The following SATB2 variants were observed in gnomAD, a reference collection of about 807,000 sequenced individuals.
SATB2 encodes SATB homeobox 2.
SATB2 carries 1 observed loss-of-function variant against 73.4 expected under a neutral mutation model. That is an observed-to-expected ratio of 0.01 (90% CI 0.00 to 0.06). The LOEUF is 0.06. Ranked by LOEUF, SATB2 falls within the 10% of genes least tolerant of loss-of-function variation. SATB2 has a pLI of 1.00. For synonymous variants in SATB2, 397 were observed against 367.0 expected (o/e 1.08, Z -0.93); for missense variants, 459 against 945.8 (o/e 0.49, Z 6.75).
At chr2:199,434,042 A>AT (rs1693451485) in intron 2 of SATB2, among the ~76,000 whole-genome samples, 1 of 152,018 alleles carries the variant, frequency 6.6e-6, no homozygotes, top group South Asian at 2.1e-4. Flanking sequence ...GGTGGTATTG[A>AT]TTTTAAGGCC....
upstream of SATB2, among the ~76,000 whole-genome samples, chr2:199,468,703 G>C (rs1266122041): frequency 2.6e-5 from 4 of 152,200 alleles, no homozygotes; most frequent in Non-Finnish European, 5.9e-5. Flanking sequence ...TGGCAGTTGC[G>C]GCTGACTGCT....
At chr2:199,372,286 A>G (rs1689472466) in intron 5 of SATB2, among the ~76,000 whole-genome samples, 1 of 152,194 alleles carries the variant, frequency 6.6e-6, no homozygotes, top group Non-Finnish European at 1.5e-5. Context: ...TATTTCAGAA[A>G]TCAAACTGTA....
intron 9 of SATB2, among the ~76,000 whole-genome samples, chr2:199,316,747 T>A (rs1687746296): frequency 6.6e-6 from 1 of 152,096 alleles, no homozygotes; most frequent in Non-Finnish European, 1.5e-5. Flanking sequence ...TTTAACAGTA[T>A]GGAGATTTGG....
chr2:199,310,531 C>T (rs1407490212), intron 9 of SATB2, among the ~76,000 whole-genome samples: 1 of 151,724 alleles, frequency 6.6e-6, no homozygotes, highest in African/African-American at 2.4e-5. Flanking sequence ...AAATCTAGTC[C>T]CCAAGTGTTT....
intron 3 of SATB2, among the ~76,000 whole-genome samples, chr2:199,420,538 A>G (rs1691133505): frequency 6.6e-6 from 1 of 152,194 alleles, no homozygotes; most frequent in Non-Finnish European, 1.5e-5. Context: ...GTCTCCTGGT[A>G]GAATGTGCCA....
chr2:199,458,517 C>A (rs1026818659), upstream of SATB2: 8 of 374,892 alleles, frequency 2.1e-5, no homozygotes, highest in African/African-American at 1.8e-4. Context: ...GGCACCGGGG[C>A]CCAGGGTCTG....
upstream of SATB2, chr2:199,467,376 C>A (rs1440091372): frequency 6.6e-6 from 1 of 152,292 alleles, no homozygotes; most frequent in Non-Finnish European, 1.5e-5. Flanking sequence ...TTCCAAGGAG[C>A]TTTTATCCAA....
intron 10 of SATB2, among the ~76,000 whole-genome samples, chr2:199,288,658 C>A (rs1332527407): frequency 1.3e-5 from 2 of 152,078 alleles, no homozygotes; most frequent in Non-Finnish European, 2.9e-5. Context: ...CACTTAATAA[C>A]AGGACTTGAG....
rs377349361 is a variant in SATB2, at chr2:199,448,270, T to C, written c.169+7599A>G. Among the ~76,000 whole-genome samples, 16 of 152,358 alleles carry C rather than the reference T, an allele frequency of 1.1e-4. No homozygotes were observed. In the East Asian group the frequency reaches 1.5e-3, roughly 15 times the overall value. ...ATGCAATAAAAGTACTCAATTTTAATATAGGACATAATTGGGAAATCTAAA... is the reference window on the plus strand; with the variant it reads ...ATGCAATAAAAGTACTCAATTTTAACATAGGACATAATTGGGAAATCTAAA... On this transcript the variant is annotated intron_variant, in intron 2 of 10. Transcript: ENST00000417098.
intron 3 of SATB2, among the ~76,000 whole-genome samples, chr2:199,392,062 A>G (rs958105147): frequency 6.6e-6 from 1 of 152,148 alleles, no homozygotes; most frequent in Admixed American, 6.5e-5. Context: ...GTTCATCTGT[A>G]GAGCAGTCAC....
In SATB2 at chr2:199,463,014, T is replaced by TG. The variant is rs1692514744; in HGVS notation, c.-141+1821dup. Among the ~76,000 whole-genome samples the TG allele has an allele frequency of 6.6e-6, 1 of 151,994 alleles. No homozygotes were observed. The highest frequency in any genetic ancestry group is 6.5e-5 in the Admixed American group (1 of 15,274). ...CGTCGGGTGTGGGCACTGCCTGCCC[T>TG]GGGGGAAGAAAGCGAGGAGATAGGT... On this transcript the variant is annotated intron_variant, in intron 1 of 11. Coordinates refer to the SATB2 transcript ENST00000260926. This position sits in a 1 kb window ranked among gnomAD's most constrained non-coding sequence, Gnocchi z 6.4.
At chr2:199,415,960 T>C (rs1322767987) in intron 3 of SATB2, among the ~76,000 whole-genome samples, 1 of 152,210 alleles carries the variant, frequency 6.6e-6, no homozygotes, top group Non-Finnish European at 1.5e-5. Flanking sequence ...AGCATCATCA[T>C]TGCCCTCACT....
chr2:199,325,084 CT>C (rs1687994777), intron 8 of SATB2, among the ~76,000 whole-genome samples: 1 of 152,098 alleles, frequency 6.6e-6, no homozygotes, highest in African/African-American at 2.4e-5. Context: ...ACTTAAGGCC[CT>C]ACGTTTCCAT....
chr2:199,338,544 G>A (rs1265422464), intron 7 of SATB2, among the ~76,000 whole-genome samples: 2 of 152,114 alleles, frequency 1.3e-5, no homozygotes, highest in Non-Finnish European at 2.9e-5. Context: ...GTTTTCTTTA[G>A]TAAAAACAGA....
chr2:199,345,229 C>T (rs1263491354), intron 7 of SATB2, among the ~76,000 whole-genome samples: 1 of 152,078 alleles, frequency 6.6e-6, no homozygotes, highest in East Asian at 1.9e-4. Flanking sequence ...TAATCTCTTG[C>T]TCTAGTCCTG....
intron 5 of SATB2, among the ~76,000 whole-genome samples, chr2:199,376,362 T>C (rs1689605727): frequency 6.6e-6 from 1 of 152,202 alleles, no homozygotes; most frequent in South Asian, 2.1e-4. Context: ...AAAACTATAC[T>C]TTATGAAACA....
intron 3 of SATB2, among the ~76,000 whole-genome samples, chr2:199,389,328 A>C (rs779155585): frequency 1.3e-5 from 2 of 152,140 alleles, no homozygotes; most frequent in Admixed American, 6.5e-5. Flanking sequence ...GACTCTCTCT[A>C]TATATATTTC....
upstream of SATB2, chr2:199,460,618 G>A (rs1035557857): frequency 1.3e-5 from 2 of 152,332 alleles, no homozygotes; most frequent in Non-Finnish European, 2.9e-5. The surrounding 1 kb of genome is among the most constrained non-coding windows in gnomAD (Gnocchi z 4.0). Flanking sequence ...AATGGTTGGA[G>A]CGATTCAATC....
intron 9 of SATB2, among the ~76,000 whole-genome samples, chr2:199,311,892 G>A (rs1687606251): frequency 6.6e-6 from 1 of 152,158 alleles, no homozygotes. Context: ...GCTAATGAAT[G>A]TGTGAGAAAG....
Sources: gnomAD v4.1 joint callset for allele counts (sites outside exome capture counted in the v4.1 genomes callset) on GRCh38, gnomAD v4.1.1 for gene constraint, Gnocchi (gnomAD v3.1) non-coding constraint, MANE v1.5 for transcripts, NCBI Gene and HGNC (gene_info 2026-07-23, HGNC 2026-07-21) for gene names.